Variants in BCL11A observed in about 807,000 individuals in gnomAD.
BCL11A encodes the protein BCL11 transcription factor A.
BCL11A carries 2 observed loss-of-function variants against 55.9 expected under a neutral mutation model. The ratio of observed to expected loss-of-function variants is 0.04; its 90% CI spans 0.01 to 0.11. The LOEUF (loss-of-function observed/expected upper bound fraction) is 0.11, where lower values mean the gene tolerates loss of function less well. Among genes scored for constraint, BCL11A ranks in the 10% least tolerant of loss-of-function variants. BCL11A has a pLI of 1.00. For synonymous variants in BCL11A, 465 were observed against 473.4 expected, an observed-to-expected ratio of 0.98 and a Z score of 0.23; for missense variants, 817 against 1,137.1, an observed-to-expected ratio of 0.72 and a Z score of 4.05.
rs780065085 is a variant in BCL11A at position 60,461,060 on chromosome 2, A to C, written c.1852T>G (p.Ser618Ala). 8 of 1,605,480 alleles carry C rather than the reference A, an allele frequency of 5.0e-6. No individual in the cohort carries two copies. The highest frequency in any genetic ancestry group is 1.3e-5 in the African/African-American group (1 of 74,712). Residue 618 changes from serine (S) to alanine (A), a missense_variant, in exon 4 of 4, where the codon TCC becomes GCC. Physicochemically the swap from Ser to Ala is moderately conservative, Grantham distance 99. This residue lies in a region of BCL11A where 379 missense variants were observed against 425.3 expected (regional missense o/e 0.89). Coordinates refer to ENST00000642384, the MANE Select transcript of BCL11A (RefSeq NM_022893.4). ...GGGCTGCCCAGCAGCAGCTTTTTGG[A>C]CAGGCCCCCCGAGGCCGACTCGCCC... ...SPGESASGGL[S>A]KKLLLGSPSS...
chr2:60,488,392 G>A (rs1205105806), intron 2 of BCL11A, among the ~76,000 whole-genome samples: 1 of 152,204 alleles, frequency 6.6e-6, no homozygotes, highest in African/African-American at 2.4e-5. Flanking sequence ...ATTTAAAGAT[G>A]ACAGTACTTG....
At chr2:60,550,578 C>G (rs998007149) in intron 1 of BCL11A, among the ~76,000 whole-genome samples, 4 of 151,842 alleles carry the variant, frequency 2.6e-5, no homozygotes, top group Non-Finnish European at 2.9e-5. Context: ...GGGGGTGGTA[C>G]TGAGGACCGG....
chr2:60,466,342 G>A lies in BCL11A; in HGVS notation c.487+2390C>T, dbSNP rs150611743. 9.2e-5 allele frequency among the ~76,000 whole-genome samples: 14 copies of A among 152,110 alleles called. No individual in the cohort carries two copies. In the East Asian group the frequency reaches 2.7e-3, roughly 29 times the overall value. Reference sequence around the variant, plus strand: ...ATCCCTTCCCTCCAAAAGTGGCTCCGTTTCCACAGCCCCATGCAGGCCCCA... The same window carrying A: ...ATCCCTTCCCTCCAAAAGTGGCTCCATTTCCACAGCCCCATGCAGGCCCCA... On this transcript the variant is annotated intron_variant, in intron 3 of 3. Transcript: ENST00000642384.
intron 2 of BCL11A, among the ~76,000 whole-genome samples, chr2:60,519,357 C>G (rs1338780293): frequency 2.0e-5 from 3 of 152,208 alleles, no homozygotes; most frequent in African/African-American, 7.2e-5. Flanking sequence ...TATCTCCAGG[C>G]AGCTGAAAGT....
Position 60,461,183 on chromosome 2 carries a change from C to T in BCL11A, c.1729G>A (p.Glu577Lys), listed in dbSNP as rs2103834436. The T allele has an allele frequency of 6.2e-7, 1 of 1,612,626 alleles. No individual in the cohort carries two copies. The highest frequency in any genetic ancestry group is 8.5e-7 in the Non-Finnish European group (1 of 1,179,840). ...CAAGTGTCCCTGTGGCCCTCGGCCT[C>T]GGCCAGGTGGCCGCGCTTATGCTTC... Reference protein sequence around the residue: ...GEKHKRGHLAEAEGHRDTCDE... With the variant: ...GEKHKRGHLAKAEGHRDTCDE... Residue 577 changes from glutamate (E) to lysine (K), a missense_variant, in exon 4 of 4, where the codon GAG (glutamate) becomes AAG (lysine). By Grantham distance (56) the Glu-to-Lys change is moderately conservative. Around this residue, in one of 4 missense-constraint regions of BCL11A, gnomAD observed 379 missense variants for 425.3 expected, o/e 0.89. Coordinates refer to ENST00000642384, the MANE Select transcript of BCL11A (RefSeq NM_022893.4).
At position 60,545,999 on chromosome 2, in the gene BCL11A, T is replaced by A. The variant is rs2104748806; in HGVS notation, c.357A>T (p.Gly119=). 6.2e-7 allele frequency: 1 copy of A among 1,613,986 alleles called. No individual in the cohort carries two copies. Among genetic ancestry groups the A allele is most frequent in the South Asian group, 1.1e-5 (1 of 91,066 alleles). The change falls in exon 2 of 4, where the codon GGA becomes GGT. Residue 119 remains glycine, a synonymous_variant. Transcript: ENST00000642384. The part of the protein sequence containing the change: ...DDDCLSTSSR[G]ICPKQEHIAD... ...CTATGTGTTCCTGTTTGGGGCAAAT[T>A]CCTCTAGATGACGTTGATAAACAAT...
intron 2 of BCL11A, among the ~76,000 whole-genome samples, chr2:60,539,837 C>A (rs753973240): frequency 4.6e-5 from 7 of 152,012 alleles, no homozygotes; most frequent in Non-Finnish European, 7.4e-5. Flanking sequence ...GTAAAAACTA[C>A]GTGGCAAATT....
intron 2 of BCL11A, among the ~76,000 whole-genome samples, chr2:60,486,397 G>C (rs1460666092): frequency 1.3e-5 from 2 of 152,150 alleles, no homozygotes; most frequent in African/African-American, 4.8e-5. Flanking sequence ...TTCACTTTCT[G>C]CACATATGTG....
chr2:60,482,166 T>G (rs1477869358), intron 2 of BCL11A, among the ~76,000 whole-genome samples: 1 of 152,070 alleles, frequency 6.6e-6, no homozygotes, highest in Non-Finnish European at 1.5e-5. Flanking sequence ...GATTCTATCT[T>G]GAGAGTTTAG....
chr2:60,492,725 G>C (rs1228645220), intron 2 of BCL11A, among the ~76,000 whole-genome samples: 1 of 152,174 alleles, frequency 6.6e-6, no homozygotes, highest in Non-Finnish European at 1.5e-5. Context: ...TACCCTGAAA[G>C]ACGGCTAGAG....
intron 2 of BCL11A, chr2:60,542,578 A>T (rs1346018792): frequency 2.0e-5 from 3 of 152,264 alleles, no homozygotes; most frequent in Non-Finnish European, 4.4e-5. Flanking sequence ...TACTTCAATG[A>T]TCTCAATGGA....
intron 2 of BCL11A, among the ~76,000 whole-genome samples, chr2:60,470,800 T>G (rs1034078806): frequency 6.6e-6 from 1 of 152,172 alleles, no homozygotes; most frequent in Non-Finnish European, 1.5e-5. Context: ...TAGTTTGTTT[T>G]TGTTTTTGTT....
intron 2 of BCL11A, chr2:60,532,996 A>G (rs1345764757): frequency 6.6e-6 from 1 of 152,232 alleles, no homozygotes; most frequent in Admixed American, 6.5e-5. Flanking sequence ...CCATTATATA[A>G]CAATCTACCC....
In BCL11A at chr2:60,546,437, T is replaced by C. The variant is rs1670163438; in HGVS notation, c.56-137A>G. 1.3e-6 allele frequency: 1 copy of C among 748,290 alleles called. No homozygotes were observed. Among genetic ancestry groups the C allele is most frequent in the South Asian group, 1.9e-5 (1 of 52,220 alleles). The allele number at this position is 748,290 out of a possible 1,614,324, so 46.4% of individuals were successfully genotyped here. A position where few individuals can be genotyped will look rare whatever the true frequency, so the allele number is the denominator to read the frequency against. ...GCTTCTCTATATAATACCCAGAAAA[T>C]GTGAGCATACAAAAAGTACAAGGAT... is the stretch of plus-strand genomic sequence containing the variant. On this transcript the variant is annotated intron_variant, in intron 1 of 3. Transcript: ENST00000642384. This position sits in a 1 kb window ranked among gnomAD's most constrained non-coding sequence, Gnocchi z 4.1.
chr2:60,483,111 C>T (rs768261405), intron 2 of BCL11A, among the ~76,000 whole-genome samples: 5 of 152,158 alleles, frequency 3.3e-5, no homozygotes, highest in African/African-American at 4.8e-5. Flanking sequence ...ATATTATTTC[C>T]CATGAATAAC....
At chr2:60,482,408 G>A (rs1011038201) in intron 2 of BCL11A, among the ~76,000 whole-genome samples, 2 of 152,172 alleles carry the variant, frequency 1.3e-5, no homozygotes, top group African/African-American at 4.8e-5. Flanking sequence ...CCAAACAGTT[G>A]TAATTTCCAC....
intron 2 of BCL11A, among the ~76,000 whole-genome samples, chr2:60,493,680 C>T (rs1678781226): frequency 6.6e-6 from 1 of 152,156 alleles, no homozygotes; most frequent in Non-Finnish European, 1.5e-5. Flanking sequence ...TAGTTGACCT[C>T]CCCCATTAGC....
At chr2:60,515,429 C>G (rs1017643820) in intron 2 of BCL11A, among the ~76,000 whole-genome samples, 3 of 152,172 alleles carry the variant, frequency 2.0e-5, no homozygotes, top group Admixed American at 6.5e-5. Flanking sequence ...AAAAATAAAA[C>G]ATGACTCCTG....
At chr2:60,476,147 G>A (rs1677581937) in intron 2 of BCL11A, among the ~76,000 whole-genome samples, 1 of 152,168 alleles carries the variant, frequency 6.6e-6, no homozygotes, top group East Asian at 1.9e-4. Flanking sequence ...CCTTGACCTG[G>A]ATGAGGAGGG....
Sources: allele counts gnomAD v4.1 joint callset (sites outside exome capture counted in the v4.1 genomes callset), GRCh38; gene constraint gnomAD v4.1.1; regional missense constraint gnomAD v4.1.1; non-coding constraint Gnocchi (gnomAD v3.1); transcripts MANE v1.5; gene names NCBI Gene and HGNC (gene_info 2026-07-23, HGNC 2026-07-21).